Variants in EML6 observed in about 807,000 individuals in gnomAD.
EML6 encodes EMAP like 6, also known as echinoderm microtubule-associated protein-like 6.
EML6 carries 154 observed loss-of-function variants against 240.1 expected under a neutral mutation model. The observed-to-expected ratio is 0.64, with a 90% CI of 0.56 to 0.73. The LOEUF (loss-of-function observed/expected upper bound fraction) is 0.73. Among genes scored for constraint, EML6 ranks in the 30% least tolerant of loss-of-function variants. The pLI is 0.00. For synonymous variants in EML6, 1,148 were observed against 899.0 expected (o/e 1.28, Z -4.95); for missense variants, 2,964 against 2,474.6 (o/e 1.20, Z -4.20).
At chr2:54,784,586 C>T (rs1668995456) in intron 2 of EML6, among the ~76,000 whole-genome samples, 1 of 152,178 alleles carries the variant, frequency 6.6e-6, no homozygotes. Flanking sequence ...CTTTCTGACT[C>T]CCCAAAACTT....
In EML6 at chr2:54,962,625, T is replaced by G. The variant is rs1458840561; in HGVS notation, c.5071T>G (p.Trp1691Gly). ...LIDGHMEGEI[W>G]GLATHPSKDL... ...TGATGGTCACATGGAAGGGGAGATC[T>G]GGGGCCTGGCCACTCACCCTTCCAA... is the stretch of plus-strand genomic sequence containing the variant. Residue 1691 changes from tryptophan to glycine, a missense_variant, in exon 36 of 42, where the codon TGG (tryptophan) becomes GGG (glycine). Trp to Gly is a radical substitution (Grantham distance 184). Transcript: ENST00000356458. The G allele has an allele frequency of 6.5e-7, 1 of 1,546,396 alleles. No individual in the cohort carries two copies. The highest frequency in any genetic ancestry group is 8.7e-7 in the Non-Finnish European group (1 of 1,144,700).
At chr2:54,902,567 T>G (rs1673115484) in intron 22 of EML6, among the ~76,000 whole-genome samples, 1 of 143,966 alleles carries the variant, frequency 6.9e-6, no homozygotes, top group African/African-American at 2.8e-5. Context: ...CCTGGCTAAT[T>G]TTTGTATTTT....
chr2:54,876,985 ATTTTT>A (rs34591538), intron 16 of EML6, among the ~76,000 whole-genome samples: 1 of 145,946 alleles, frequency 6.9e-6, no homozygotes, highest in African/African-American at 2.5e-5. Context: ...CCAAAAAAAA[ATTTTT>A]TTTTTTTTTT....
rs911313185 is a variant in EML6 at position 54,740,573 on chromosome 2, G to C, written c.197+15315G>C. Among the ~76,000 whole-genome samples, 5 of 152,140 alleles carry C rather than the reference G, an allele frequency of 3.3e-5. No homozygotes were observed. In the South Asian group the frequency reaches 6.2e-4, roughly 19 times the overall value. ...TGTTATAGCAATACGAATGTCCAAGGGTCATTTCCTTTCAGGTTTACTTTT... is the reference window on the plus strand; with the variant it reads ...TGTTATAGCAATACGAATGTCCAAGCGTCATTTCCTTTCAGGTTTACTTTT... On this transcript the variant is annotated intron_variant, in intron 2 of 41. Coordinates refer to ENST00000356458, the MANE Select transcript of EML6 (RefSeq NM_001039753.4).
In EML6 at chr2:54,961,183, A is replaced by AGTTGTTTTTTTTT. The variant is rs760629525; in HGVS notation, c.4968+852_4968+853insGTTTTTTTTTGTT. Among the ~76,000 whole-genome samples, 8 of 7,896 alleles carry AGTTGTTTTTTTTT rather than the reference A, an allele frequency of 1.0e-3. 1 individual carries two copies. The highest frequency in any genetic ancestry group is 6.7e-3 in the African/African-American group (7 of 1,038). 5.2% of individuals were successfully genotyped at this position (7,896 alleles called of 152,430 possible). ...TGGAGCCTGGAAGTTATCAGGAAGTAGTTTTTTTTTTTTTTTTTTTGAGAC... is the reference window on the plus strand; with the variant it reads ...TGGAGCCTGGAAGTTATCAGGAAGTAGTTGTTTTTTTTTGTTTTTTTTTTTTTTTTTTTGAGAC... On this transcript the variant is annotated intron_variant, in intron 35 of 41. Coordinates refer to ENST00000356458, the MANE Select transcript of EML6 (RefSeq NM_001039753.4).
In EML6 at chr2:54,826,751, C is replaced by T. The variant is rs368673988; in HGVS notation, c.526-815C>T. 3.3e-5 allele frequency among the ~76,000 whole-genome samples: 5 copies of T among 152,112 alleles called. No individual in the cohort carries two copies. The South Asian group carries it at 1.0e-3, about 32-fold the overall frequency. On this transcript the variant is annotated intron_variant, in intron 5 of 41. Transcript: ENST00000356458. The stretch of plus-strand genomic sequence containing the variant: ...ATTTTATGCAACTAAAACTGAAAAG[C>T]CGAGTCAATTATTTGGGTATATGGA...
chr2:54,949,327 T>C (rs1307967893), intron 29 of EML6, among the ~76,000 whole-genome samples: 1 of 152,230 alleles, frequency 6.6e-6, no homozygotes, highest in Non-Finnish European at 1.5e-5. Context: ...CCGTCTCTAA[T>C]GTTGCCTGAG....
intron 2 of EML6, among the ~76,000 whole-genome samples, chr2:54,806,687 C>G (rs911728067): frequency 4.2e-5 from 6 of 143,862 alleles, no homozygotes; most frequent in African/African-American, 1.5e-4. Flanking sequence ...TCATGTGGGT[C>G]TATCACATGG....
rs536710622 is a variant in EML6, at chr2:54,876,048, C to T, written c.2345-3499C>T. ...ACTTTGTCTAATTCACCCTTTACTA[C>T]TGACATTAAATGCCTTCATATTATT... On this transcript the variant is annotated intron_variant, in intron 16 of 41. Transcript: ENST00000356458. Among the ~76,000 whole-genome samples the T allele has an allele frequency of 5.3e-5, 8 of 152,292 alleles. 1 individual carries two copies. The highest frequency in any genetic ancestry group is 1.9e-4 in the African/African-American group (8 of 41,562).
At chr2:54,944,862 C>G (rs1456626553) in intron 28 of EML6, among the ~76,000 whole-genome samples, 1 of 152,000 alleles carries the variant, frequency 6.6e-6, no homozygotes, top group Non-Finnish European at 1.5e-5. Flanking sequence ...GAAGAATGCA[C>G]TTGACACAGT....
chr2:54,732,276 T>C lies in EML6; in HGVS notation c.197+7018T>C, dbSNP rs141609841. Reference sequence around the variant, plus strand: ...CTATTCACTGTCTTGGTGGTACCCTTGGAAGTACAAAAGTTTTTCATTTTG... The same window carrying C: ...CTATTCACTGTCTTGGTGGTACCCTCGGAAGTACAAAAGTTTTTCATTTTG... On this transcript the variant is annotated intron_variant, in intron 2 of 41. Coordinates refer to ENST00000356458, the MANE Select transcript of EML6 (RefSeq NM_001039753.4). Among the ~76,000 whole-genome samples the C allele has an allele frequency of 3.0e-3, 463 of 152,284 alleles. 1 individual carries two copies. Among genetic ancestry groups the C allele is most frequent in the Non-Finnish European group, 5.4e-3 (369 of 68,014 alleles).
chr2:54,956,444 A>T (rs1247241510), intron 32 of EML6, among the ~76,000 whole-genome samples: 2 of 152,174 alleles, frequency 1.3e-5, no homozygotes, highest in African/African-American at 2.4e-5. Context: ...TAGATCTCTA[A>T]TGTTAATCCT....
chr2:54,817,466 T>C (rs1164857133), intron 4 of EML6, among the ~76,000 whole-genome samples: 2 of 152,208 alleles, frequency 1.3e-5, no homozygotes, highest in South Asian at 2.1e-4. Flanking sequence ...TTTATTATCT[T>C]GGTTTCTCTA....
intron 15 of EML6, among the ~76,000 whole-genome samples, chr2:54,869,951 A>C (rs1671167395): frequency 2.6e-5 from 4 of 152,222 alleles, no homozygotes; most frequent in Admixed American, 6.5e-5. Context: ...AACTTATTAA[A>C]GACTTTATTA....
intron 25 of EML6, among the ~76,000 whole-genome samples, chr2:54,916,071 G>T (rs181888347): frequency 6.6e-6 from 1 of 152,178 alleles, no homozygotes; most frequent in East Asian, 1.9e-4. Context: ...AAGATTCATG[G>T]CAATAGAATA....
intron 12 of EML6, among the ~76,000 whole-genome samples, chr2:54,863,072 A>G (rs763818898): frequency 4.9e-4 from 74 of 152,332 alleles, no homozygotes; most frequent in Non-Finnish European, 8.4e-4. Context: ...CTCTGATGTC[A>G]GCAGGCATGA....
intron 11 of EML6, among the ~76,000 whole-genome samples, chr2:54,855,131 A>G (rs1670303619): frequency 6.6e-6 from 1 of 152,248 alleles, no homozygotes; most frequent in Non-Finnish European, 1.5e-5. Flanking sequence ...ACATTGCTGT[A>G]AAGAAGTACC....
rs775880782 is a variant in EML6 at position 54,966,969 on chromosome 2, T to C, written c.5494-31T>C. On this transcript the variant is annotated intron_variant, in intron 38 of 41. Transcript: ENST00000356458. ...GAGTCTGTGGGACTGAGAAAGAACG[T>C]TGATGAACATGGCTTCCCTTCTACC... 9 of 1,428,480 alleles carry C rather than the reference T, an allele frequency of 6.3e-6. No homozygotes were observed. The South Asian group carries it at 7.4e-5, about 12-fold the overall frequency. 88.5% of individuals were successfully genotyped at this position (1,428,480 alleles called of 1,614,324 possible).
intron 28 of EML6, among the ~76,000 whole-genome samples, chr2:54,947,567 G>T (rs1470327011): frequency 6.6e-6 from 1 of 152,056 alleles, no homozygotes; most frequent in Non-Finnish European, 1.5e-5. Context: ...GAATTATTAG[G>T]CTAAATTATG....
Sources: allele counts gnomAD v4.1 joint callset (sites outside exome capture counted in the v4.1 genomes callset), GRCh38; gene constraint gnomAD v4.1.1; transcripts MANE v1.5; gene names NCBI Gene and HGNC (gene_info 2026-07-23, HGNC 2026-07-21).